MAMDC2: variants seen among roughly 807,000 people sequenced by gnomAD.
MAMDC2 encodes MAM domain containing 2, also known as MAM domain-containing protein 2.
A neutral mutation model predicts 89.8 loss-of-function variants in MAMDC2; 57 were observed. The observed-to-expected ratio is 0.63, with a 90% CI of 0.51 to 0.79. MAMDC2 has a LOEUF of 0.79. Ranked by LOEUF, MAMDC2 falls within the 30% of genes least tolerant of loss-of-function variation. The pLI is 0.00. For missense variants in MAMDC2, 800 were observed against 820.6 expected, an observed-to-expected ratio of 0.97 and a Z score of 0.31; for synonymous variants, 313 against 293.4, an observed-to-expected ratio of 1.07 and a Z score of -0.68.
intron 9 of MAMDC2, among the ~76,000 whole-genome samples, chr9:70,165,150 T>C (rs2032130434): frequency 6.6e-6 from 1 of 152,162 alleles, no homozygotes; most frequent in Non-Finnish European, 1.5e-5. Context: ...AGACTATGAC[T>C]AATTCCCTTC....
intron 9 of MAMDC2, 79 bp downstream of exon 9, chr9:70,143,898 A>T (rs1263337524): frequency 4.0e-6 from 6 of 1,513,566 alleles, no homozygotes; most frequent in Non-Finnish European, 5.4e-6. Flanking sequence ...GCTACTGTCA[A>T]CTGGTGATGT....
At chr9:70,123,706 C>G (rs116109887) in intron 5 of MAMDC2, among the ~76,000 whole-genome samples, 1 of 152,010 alleles carries the variant, frequency 6.6e-6, no homozygotes. Context: ...CCAATATGAC[C>G]GCAGTCCTTA....
At chr9:70,200,294 T>C (rs1478717778) in intron 11 of MAMDC2, among the ~76,000 whole-genome samples, 2 of 149,796 alleles carry the variant, frequency 1.3e-5, no homozygotes, top group East Asian at 2.0e-4. Flanking sequence ...CCCAGCACCA[T>C]TTATTAAATA....
chr9:70,155,973 T>G (rs2031749492), intron 9 of MAMDC2, among the ~76,000 whole-genome samples: 1 of 152,136 alleles, frequency 6.6e-6, no homozygotes, highest in Admixed American at 6.6e-5. Flanking sequence ...ATATAAAGAG[T>G]TGCCCTGACT....
chr9:70,158,831 A>T (rs1355596892), intron 9 of MAMDC2, among the ~76,000 whole-genome samples: 1 of 150,570 alleles, frequency 6.6e-6, no homozygotes. Context: ...AAACCTATAC[A>T]GCATGTTATT....
chr9:70,205,209 T>C (rs2033199991), intron 11 of MAMDC2, among the ~76,000 whole-genome samples: 1 of 152,200 alleles, frequency 6.6e-6, no homozygotes, highest in Non-Finnish European at 1.5e-5. Flanking sequence ...ATTTTAAGTG[T>C]CTAATTCAGT....
intron 2 of MAMDC2, among the ~76,000 whole-genome samples, chr9:70,051,511 T>A (rs932713592): frequency 6.6e-6 from 1 of 152,234 alleles, no homozygotes; most frequent in Non-Finnish European, 1.5e-5. Context: ...TATCTTGGGG[T>A]GTAATATTCA....
At chr9:70,148,127 C>G (rs979986784) in intron 9 of MAMDC2, 1 of 150,312 alleles carries the variant, frequency 6.7e-6, no homozygotes, top group Non-Finnish European at 1.5e-5. Context: ...CCCAGGTTTA[C>G]GTCTTGCATT....
At chr9:70,143,213 A>G (rs757268626) in intron 8 of MAMDC2, among the ~76,000 whole-genome samples, 3 of 152,210 alleles carry the variant, frequency 2.0e-5, no homozygotes, top group Non-Finnish European at 4.4e-5. Flanking sequence ...TGTACAATCT[A>G]AGTCAGATGG....
chr9:70,114,008 T>TA, intron 5 of MAMDC2: 1 of 152,194 alleles, frequency 6.6e-6, no homozygotes, highest in East Asian at 1.9e-4. Flanking sequence ...CCTGAAGACA[T>TA]AATGACCTTT....
At chr9:70,174,918 GT>G (rs1411904175) in intron 11 of MAMDC2, among the ~76,000 whole-genome samples, 2 of 152,030 alleles carry the variant, frequency 1.3e-5, no homozygotes, top group East Asian at 1.9e-4. Context: ...TAGAGACAGG[GT>G]TTTGCCGTGT....
chr9:70,044,593 T>A lies in MAMDC2; in HGVS notation c.44T>A (p.Leu15His), dbSNP rs779809993. The A allele has an allele frequency of 3.0e-5, 47 of 1,550,014 alleles. No homozygotes were observed. Among genetic ancestry groups the A allele is most frequent in the Non-Finnish European group, 3.9e-5 (45 of 1,146,904 alleles). The change falls in exon 2 of 14, where the codon CTC becomes CAC. Residue 15 changes from leucine (L) to histidine (H), a missense_variant. Leu to His is a moderately conservative substitution (Grantham distance 99). Coordinates refer to ENST00000377182, the MANE Select transcript of MAMDC2 (RefSeq NM_153267.5). ...CGCTTTGTGCCCGCAGCCCTGCAGCTCGCCGGTGCCCTCGACCTGCCCGCT... is the reference window on the plus strand; with the variant it reads ...CGCTTTGTGCCCGCAGCCCTGCAGCACGCCGGTGCCCTCGACCTGCCCGCT... ...GVLLALQALQ[L>H]AGALDLPAGS... is the part of the protein sequence containing the mutation.
chr9:70,064,708 T>C (rs971808771), intron 2 of MAMDC2, among the ~76,000 whole-genome samples: 11 of 152,292 alleles, frequency 7.2e-5, no homozygotes, highest in African/African-American at 2.6e-4. Flanking sequence ...GCATAACACA[T>C]GTAAATGAGG....
chr9:70,124,178 G>A lies in MAMDC2; in HGVS notation c.644-1981G>A, dbSNP rs898968101. ...GGGGCCAGGCTTCTCACCCCAAGCC[G>A]GTTATTGCCGCATAAGAATATGGGC... On this transcript the variant is annotated intron_variant, in intron 5 of 13. Transcript: ENST00000377182. Among the ~76,000 whole-genome samples the A allele has an allele frequency of 5.3e-5, 8 of 152,088 alleles. No individual in the cohort carries two copies. In the South Asian group the frequency reaches 6.2e-4, roughly 12 times the overall value.
At chr9:70,056,555 A>G (rs1314767653) in intron 2 of MAMDC2, among the ~76,000 whole-genome samples, 2 of 152,228 alleles carry the variant, frequency 1.3e-5, no homozygotes, top group Admixed American at 6.5e-5. Flanking sequence ...ATTGTATAAT[A>G]CAAGATAAGT....
rs544523009 is a variant in MAMDC2, at chr9:70,045,492, T to G, written c.148+795T>G. ...TTTTGTCACCACCAGTGAAGCCTGA[T>G]GCCCACAGACTATTTGGATTGGAAA... On this transcript the variant is annotated intron_variant, in intron 2 of 13. Coordinates refer to ENST00000377182, the MANE Select transcript of MAMDC2 (RefSeq NM_153267.5). Among the ~76,000 whole-genome samples, 27 of 152,292 alleles carry G rather than the reference T, an allele frequency of 1.8e-4. No homozygotes were observed. In the South Asian group the frequency reaches 5.6e-3, roughly 32 times the overall value.
At chr9:70,118,766 G>C (rs2030147674) in intron 5 of MAMDC2, among the ~76,000 whole-genome samples, 1 of 152,172 alleles carries the variant, frequency 6.6e-6, no homozygotes, top group Non-Finnish European at 1.5e-5. Context: ...TGTCTACTTA[G>C]GAATTTCAGA....
At chr9:70,078,639 A>C (rs748800090) in intron 2 of MAMDC2, among the ~76,000 whole-genome samples, 10 of 152,142 alleles carry the variant, frequency 6.6e-5, no homozygotes, top group Non-Finnish European at 1.2e-4. Context: ...TGATTAGGTT[A>C]ATTTATAGCT....
At chr9:70,193,820 T>A (rs932875283) in intron 11 of MAMDC2, among the ~76,000 whole-genome samples, 12 of 152,100 alleles carry the variant, frequency 7.9e-5, no homozygotes, top group African/African-American at 2.7e-4. Flanking sequence ...TACCTGTATT[T>A]GTAGATTGAA....
Sources: allele counts gnomAD v4.1 joint callset (sites outside exome capture counted in the v4.1 genomes callset), GRCh38; gene constraint gnomAD v4.1.1; transcripts MANE v1.5; gene names NCBI Gene and HGNC (gene_info 2026-07-23, HGNC 2026-07-21).